NXPE2: variants seen among roughly 807,000 people sequenced by gnomAD.
The protein encoded by NXPE2 is neurexophilin and PC-esterase domain family member 2, also known as NXPE family member 2.
A neutral mutation model predicts 34.4 loss-of-function variants in NXPE2; 34 were observed. The ratio of observed to expected loss-of-function variants is 0.99; its 90% CI spans 0.75 to 1.31. The LOEUF is 1.31. NXPE2 is among the 40% of genes most tolerant of loss of function. The pLI is 0.00. For missense variants in NXPE2, 649 were observed against 672.5 expected (o/e 0.97, Z 0.39); for synonymous variants, 235 against 231.3 (o/e 1.02, Z -0.15).
chr11:114,651,608 G>A, the NXPE2 span, among the ~76,000 whole-genome samples: 2 of 152,162 alleles, frequency 1.3e-5, no homozygotes, highest in Non-Finnish European at 2.9e-5. Flanking sequence ...CTACTGATTG[G>A]TCCATTTTAC....
downstream of NXPE2, among the ~76,000 whole-genome samples, chr11:114,711,915 G>T (rs1414424222): frequency 6.6e-6 from 1 of 152,072 alleles, no homozygotes; most frequent in Non-Finnish European, 1.5e-5. Context: ...TAGACCAATG[G>T]AACAGAACAA....
At chr11:114,573,347 T>G in the NXPE2 span, among the ~76,000 whole-genome samples, 1 of 152,116 alleles carries the variant, frequency 6.6e-6, no homozygotes, top group African/African-American at 2.4e-5. Flanking sequence ...AATAGAATAG[T>G]ATCTTATATC....
At chr11:114,579,685 CAG>C in the NXPE2 span, among the ~76,000 whole-genome samples, 1 of 152,178 alleles carries the variant, frequency 6.6e-6, no homozygotes, top group African/African-American at 2.4e-5. Context: ...CTTCAGTTGA[CAG>C]ATGAGAAAAC....
At chr11:114,717,210 C>A in the NXPE2 span, among the ~76,000 whole-genome samples, 1 of 152,154 alleles carries the variant, frequency 6.6e-6, no homozygotes, top group African/African-American at 2.4e-5. Flanking sequence ...TAATTTCTGA[C>A]CTAGTTCTAA....
the NXPE2 span, among the ~76,000 whole-genome samples, chr11:114,532,100 G>T: frequency 6.6e-6 from 1 of 152,058 alleles, no homozygotes; most frequent in Admixed American, 6.6e-5. Context: ...CACATATAAA[G>T]CTTTGAAAAA....
the NXPE2 span, among the ~76,000 whole-genome samples, chr11:114,475,463 C>T: frequency 3.3e-5 from 5 of 151,888 alleles, no homozygotes; most frequent in Admixed American, 6.6e-5. Context: ...AGGCTGGTCT[C>T]GAACTCCTGA....
chr11:114,689,206 C>T (rs1951104518), intron 2 of NXPE2, among the ~76,000 whole-genome samples: 1 of 151,938 alleles, frequency 6.6e-6, no homozygotes, highest in Non-Finnish European at 1.5e-5. Flanking sequence ...TTTCTATCTT[C>T]TTGATGCAGG....
chr11:114,731,167 T>C, the NXPE2 span, among the ~76,000 whole-genome samples: 1 of 152,072 alleles, frequency 6.6e-6, no homozygotes, highest in African/African-American at 2.4e-5. Context: ...AGGTTTTTGT[T>C]TTAAATTCTG....
intron 4 of NXPE2, among the ~76,000 whole-genome samples, chr11:114,705,489 G>A (rs550269111): frequency 3.3e-5 from 5 of 152,274 alleles, no homozygotes; most frequent in African/African-American, 1.2e-4. Flanking sequence ...GACTCTGGCT[G>A]GCTGTTCCAC....
chr11:114,634,869 G>A, the NXPE2 span, among the ~76,000 whole-genome samples: 14 of 151,802 alleles, frequency 9.2e-5, 1 homozygote, highest in Admixed American at 2.0e-4. Flanking sequence ...TACTGTAGCC[G>A]TGTAGTATAG....
At chr11:114,637,860 A>T in the NXPE2 span, among the ~76,000 whole-genome samples, 6 of 151,862 alleles carry the variant, frequency 4.0e-5, no homozygotes, top group African/African-American at 1.2e-4. Context: ...CTTCCCTTTG[A>T]GGGTAACCCG....
the NXPE2 span, among the ~76,000 whole-genome samples, chr11:114,778,599 T>A: frequency 6.6e-6 from 1 of 152,140 alleles, no homozygotes; most frequent in Non-Finnish European, 1.5e-5. Context: ...GTAGGAGAGA[T>A]CTGGTGGCTT....
the NXPE2 span, among the ~76,000 whole-genome samples, chr11:114,797,124 T>G: frequency 2.0e-5 from 3 of 152,188 alleles, no homozygotes; most frequent in African/African-American, 7.2e-5. Context: ...ATCGCATGAC[T>G]CACGGTGTAT....
At chr11:114,487,488 C>G in the NXPE2 span, among the ~76,000 whole-genome samples, 1 of 152,090 alleles carries the variant, frequency 6.6e-6, no homozygotes, top group African/African-American at 2.4e-5. Flanking sequence ...AACTTCCTTT[C>G]CAGTTTGGAT....
At chr11:114,783,022 G>C in the NXPE2 span, among the ~76,000 whole-genome samples, 2 of 152,200 alleles carry the variant, frequency 1.3e-5, no homozygotes, top group Non-Finnish European at 2.9e-5. Flanking sequence ...TCTCACCAGA[G>C]ATTGCAATTA....
chr11:114,606,106 GTTATC>G, the NXPE2 span, among the ~76,000 whole-genome samples: 1 of 151,904 alleles, frequency 6.6e-6, no homozygotes, highest in Admixed American at 6.6e-5. Context: ...GGTAGCCACT[GTTATC>G]TGGTGGATAA....
chr11:114,742,637 G>A, the NXPE2 span, among the ~76,000 whole-genome samples: 1 of 43,346 alleles, frequency 2.3e-5, no homozygotes, highest in Non-Finnish European at 5.3e-5. Context: ...TTTTTTTTTT[G>A]CCCTAACACT....
chr11:114,465,793 G>A, the NXPE2 span, among the ~76,000 whole-genome samples: 1 of 152,104 alleles, frequency 6.6e-6, no homozygotes, highest in African/African-American at 2.4e-5. Context: ...GCAAGACCCT[G>A]TCTCTAAAAA....
At chr11:114,737,052 A>G in the NXPE2 span, among the ~76,000 whole-genome samples, 5 of 152,178 alleles carry the variant, frequency 3.3e-5, no homozygotes, top group African/African-American at 9.6e-5. Context: ...ACTCCCTCCT[A>G]GAACACACAC....
Sources: gnomAD v4.1 joint callset for allele counts (sites outside exome capture counted in the v4.1 genomes callset) on GRCh38, gnomAD v4.1.1 for gene constraint, MANE v1.5 for transcripts, NCBI Gene and HGNC (gene_info 2026-07-23, HGNC 2026-07-21) for gene names.